Variants in COG7 observed in about 807,000 individuals in gnomAD.
COG7 encodes component of oligomeric golgi complex 7.
In COG7, 49 loss-of-function variants were observed where a neutral mutation model predicts 91.5. That is an observed-to-expected ratio of 0.54 (90% CI 0.43 to 0.68). The LOEUF (loss-of-function observed/expected upper bound fraction) is 0.68. COG7 is among the 30% of genes least tolerant of loss of function. The pLI is 0.00. For missense variants in COG7, 895 were observed against 961.3 expected (o/e 0.93, Z 0.91); for synonymous variants, 365 against 388.7 (o/e 0.94, Z 0.72).
At chr16:23,408,864 C>G (rs926826996) in intron 11 of COG7, among the ~76,000 whole-genome samples, 3 of 151,586 alleles carry the variant, frequency 2.0e-5, no homozygotes, top group Non-Finnish European at 4.4e-5. Flanking sequence ...AATGGGGACA[C>G]AATAGATAAA....
chr16:23,389,846 GGT>G (rs1421488295), intron 16 of COG7: 1 of 152,172 alleles, frequency 6.6e-6, no homozygotes, highest in Non-Finnish European at 1.5e-5. Flanking sequence ...AAGCGACCCC[GGT>G]GGTTCTAACC....
intron 1 of COG7, 160 bp downstream of exon 1, chr16:23,452,666 C>G: frequency 2.1e-6 from 3 of 1,431,906 alleles, no homozygotes; most frequent in Non-Finnish European, 2.7e-6. Context: ...CCAGCTGAGA[C>G]TCCCGCTGAC....
At chr16:23,418,330 C>G (rs746730272) in intron 8 of COG7, among the ~76,000 whole-genome samples, 19 of 152,136 alleles carry the variant, frequency 1.2e-4, no homozygotes, top group African/African-American at 4.1e-4. Flanking sequence ...CATGGCAAAA[C>G]TGTCTCTACA....
chr16:23,443,917 C>T (rs561682630), intron 3 of COG7, among the ~76,000 whole-genome samples: 1 of 151,812 alleles, frequency 6.6e-6, no homozygotes, highest in African/African-American at 2.4e-5. Flanking sequence ...TTTGGGAGGC[C>T]GAGGAGGGCA....
At chr16:23,410,862 C>T (rs562084014) in intron 10 of COG7, among the ~76,000 whole-genome samples, 125 of 152,196 alleles carry the variant, frequency 8.2e-4, no homozygotes, top group Non-Finnish European at 1.4e-3. Flanking sequence ...CACGCCACCA[C>T]GCCTGGCTAA....
chr16:23,391,396 T>C (rs1014925000), intron 16 of COG7, among the ~76,000 whole-genome samples: 22 of 152,192 alleles, frequency 1.4e-4, no homozygotes, highest in Admixed American at 1.1e-3. Flanking sequence ...TGAAGGGCAG[T>C]AGCCAAAAGG....
chr16:23,443,521 T>C (rs1964134563), intron 3 of COG7, among the ~76,000 whole-genome samples: 1 of 151,316 alleles, frequency 6.6e-6, no homozygotes. Context: ...GGTGAAACCA[T>C]CTCTACTAAA....
rs149492871 is a variant in COG7, at chr16:23,412,874, C to T, written c.1409+574G>A. 9.2e-3 allele frequency: 1,418 copies of T among 154,588 alleles called. 23 individuals are homozygous for T. Among genetic ancestry groups the T allele is most frequent in the African/African-American group, 0.033 (1,354 of 41,544 alleles). The allele number at this position is 154,588 out of a possible 1,614,324, so 9.6% of individuals were successfully genotyped here. On this transcript the variant is annotated intron_variant, in intron 10 of 16. Coordinates refer to ENST00000307149, the MANE Select transcript of COG7 (RefSeq NM_153603.4). The stretch of plus-strand genomic sequence containing the variant: ...CTAATTTTTGTATTTTTAGTAGAGA[C>T]GGGGTTTCACCATGTTGGCCAGGTT...
chr16:23,418,042 CCTG>C (rs1366840796), intron 8 of COG7, among the ~76,000 whole-genome samples: 1 of 152,182 alleles, frequency 6.6e-6, no homozygotes, highest in African/African-American at 2.4e-5. Flanking sequence ...GCATAGTGAA[CCTG>C]CCCCTGCAGC....
chr16:23,429,686 C>A (rs1421415394), intron 6 of COG7, among the ~76,000 whole-genome samples: 2 of 152,066 alleles, frequency 1.3e-5, no homozygotes. Context: ...ACCACTTGAA[C>A]CTGGGAAGCG....
intron 6 of COG7, 24 bp from the exon 7 acceptor site, chr16:23,424,971 T>C: frequency 6.4e-7 from 1 of 1,574,734 alleles, no homozygotes; most frequent in Non-Finnish European, 8.6e-7. Flanking sequence ...GAGGTGTACC[T>C]GCCTTAGCAC....
intron 3 of COG7, 122 bp from the exon 4 acceptor site, chr16:23,442,767 G>T: frequency 1.1e-6 from 1 of 880,622 alleles, no homozygotes; most frequent in Non-Finnish European, 1.9e-6. Flanking sequence ...GCATCGTGGT[G>T]GTTCATGCCT....
At chr16:23,419,659 G>A (rs976110920) in intron 7 of COG7, among the ~76,000 whole-genome samples, 1 of 144,388 alleles carries the variant, frequency 6.9e-6, no homozygotes, top group African/African-American at 2.6e-5. Flanking sequence ...TGAGGCAGGA[G>A]AATTGCTTGA....
At chr16:23,431,412 T>C (rs528969844) in intron 6 of COG7, among the ~76,000 whole-genome samples, 1 of 152,374 alleles carries the variant, frequency 6.6e-6, no homozygotes, top group South Asian at 2.1e-4. Flanking sequence ...CTGAGAAGTC[T>C]AAGTTCTTTT....
At chr16:23,424,607 C>T (rs1963813846) in intron 7 of COG7, 142 bp downstream of exon 7, 2 of 861,362 alleles carry the variant, frequency 2.3e-6, no homozygotes, top group African/African-American at 1.7e-5. Context: ...AAAAGCCCTC[C>T]ACATCTGCTG....
At chr16:23,403,569 G>C in intron 13 of COG7, 125 bp downstream of exon 13, 1 of 1,242,404 alleles carries the variant, frequency 8.0e-7, no homozygotes, top group Non-Finnish European at 1.2e-6. Context: ...GCTCTTTCCG[G>C]CTTGGGAAAG....
chr16:23,389,447 ACACT>A (rs988441697), intron 16 of COG7, among the ~76,000 whole-genome samples: 1 of 151,930 alleles, frequency 6.6e-6, no homozygotes, highest in Admixed American at 6.6e-5. Flanking sequence ...TCACATGCAC[ACACT>A]CTCACATCCA....
At chr16:23,448,951 A>T (rs1567349979) in intron 1 of COG7, among the ~76,000 whole-genome samples, 2 of 152,228 alleles carry the variant, frequency 1.3e-5, no homozygotes, top group Admixed American at 6.6e-5. Flanking sequence ...GGCCAGGACA[A>T]TTCTTCACTG....
chr16:23,409,051 C>A (rs1029726482), intron 11 of COG7, among the ~76,000 whole-genome samples: 1 of 141,396 alleles, frequency 7.1e-6, no homozygotes. Flanking sequence ...TGGAAGGCTG[C>A]ACAGTGTGCA....
Sources: gnomAD v4.1 joint callset for allele counts (sites outside exome capture counted in the v4.1 genomes callset) on GRCh38, gnomAD v4.1.1 for gene constraint, MANE v1.5 for transcripts, NCBI Gene and HGNC (gene_info 2026-07-23, HGNC 2026-07-21) for gene names.